PRKD1: variants seen among roughly 807,000 people sequenced by gnomAD.
The protein encoded by PRKD1 is protein kinase D1, also known as serine/threonine-protein kinase D1.
Under a neutral mutation model 95.9 loss-of-function variants are expected in PRKD1, and 63 were observed. The ratio of observed to expected loss-of-function variants is 0.66; its 90% confidence interval spans 0.54 to 0.81. PRKD1 has a LOEUF of 0.81. PRKD1 is among the 30% of genes least tolerant of loss of function. The pLI is 0.00. For missense variants in PRKD1, 1,048 were observed against 1,165.3 expected (o/e 0.90, Z 1.47); for synonymous variants, 425 against 423.1 (o/e 1.00, Z -0.05).
chr14:29,903,466 T>G (rs1894390972), intron 1 of PRKD1, among the ~76,000 whole-genome samples: 1 of 152,172 alleles, frequency 6.6e-6, no homozygotes, highest in Non-Finnish European at 1.5e-5. Context: ...GCATAATGCC[T>G]GGAGTACAGT....
At chr14:29,597,797 A>G in intron 15 of PRKD1, 39 bp from the exon 16 acceptor site, 1 of 1,573,198 alleles carries the variant, frequency 6.4e-7, no homozygotes, top group South Asian at 1.2e-5. Context: ...TCCGTTCACA[A>G]TTGTGTGTCT....
chr14:29,782,084 TA>T (rs1366851963), intron 1 of PRKD1, among the ~76,000 whole-genome samples: 5 of 152,222 alleles, frequency 3.3e-5, no homozygotes, highest in African/African-American at 1.2e-4. Flanking sequence ...TTTGTTTTCC[TA>T]AAACAGTGTA....
chr14:29,637,851 T>C (rs1594384493), intron 6 of PRKD1, among the ~76,000 whole-genome samples: 1 of 152,148 alleles, frequency 6.6e-6, no homozygotes, highest in Non-Finnish European at 1.5e-5. Flanking sequence ...TCCAGAGGAA[T>C]TGGAAAACTG....
chr14:29,907,586 T>G (rs1217565319), intron 1 of PRKD1, among the ~76,000 whole-genome samples: 3 of 152,200 alleles, frequency 2.0e-5, no homozygotes, highest in African/African-American at 7.2e-5. Flanking sequence ...AAGATAATCC[T>G]GAAACTTTTT....
intron 2 of PRKD1, among the ~76,000 whole-genome samples, chr14:29,670,021 TTTTA>T (rs1435005805): frequency 1.3e-5 from 2 of 152,224 alleles, no homozygotes; most frequent in Admixed American, 1.3e-4. Flanking sequence ...AGAAAGTTGT[TTTTA>T]TTGAGGCCCC....
intron 4 of PRKD1, among the ~76,000 whole-genome samples, chr14:29,653,579 C>T (rs901488790): frequency 1.3e-5 from 2 of 152,036 alleles, no homozygotes; most frequent in African/African-American, 4.8e-5. Context: ...TCTTTTACCT[C>T]AAGAAAAGGT....
chr14:29,756,784 G>A (rs975159629), intron 1 of PRKD1, among the ~76,000 whole-genome samples: 1 of 152,206 alleles, frequency 6.6e-6, no homozygotes, highest in Non-Finnish European at 1.5e-5. Context: ...GGTAGCCCCA[G>A]ATTGGGGAAT....
At chr14:29,850,453 AAC>A (rs57312847) in intron 1 of PRKD1, among the ~76,000 whole-genome samples, 30,479 of 147,378 alleles carry the variant, frequency 0.21, 3,180 homozygotes, top group African/African-American at 0.25. Flanking sequence ...CCCCATTCAA[AAC>A]ACACACACAC....
chr14:29,835,848 C>T (rs1365220230), intron 1 of PRKD1, among the ~76,000 whole-genome samples: 2 of 152,148 alleles, frequency 1.3e-5, no homozygotes, highest in African/African-American at 4.8e-5. Flanking sequence ...GGATTACAGG[C>T]GTGAGCCACC....
At chr14:29,873,528 C>T (rs1413753007) in intron 1 of PRKD1, among the ~76,000 whole-genome samples, 1 of 151,984 alleles carries the variant, frequency 6.6e-6, no homozygotes, top group Admixed American at 6.6e-5. Flanking sequence ...AAAGAAAGAT[C>T]ACTATCTATA....
At chr14:29,806,177 A>G (rs1890225535) in intron 1 of PRKD1, among the ~76,000 whole-genome samples, 1 of 152,206 alleles carries the variant, frequency 6.6e-6, no homozygotes. Flanking sequence ...CAATAACAAG[A>G]GCCATGATTA....
chr14:29,610,225 G>C (rs1163206974), intron 13 of PRKD1, among the ~76,000 whole-genome samples: 1 of 152,186 alleles, frequency 6.6e-6, no homozygotes, highest in African/African-American at 2.4e-5. Flanking sequence ...GAGAAAAAAA[G>C]CCACAGACTG....
intron 2 of PRKD1, among the ~76,000 whole-genome samples, chr14:29,717,609 T>C (rs2092155858): frequency 6.6e-6 from 1 of 152,194 alleles, no homozygotes; most frequent in South Asian, 2.1e-4. Context: ...TAACATATCA[T>C]AAATATATTA....
chr14:29,643,814 T>C (rs1412056869), intron 4 of PRKD1, among the ~76,000 whole-genome samples: 2 of 152,200 alleles, frequency 1.3e-5, no homozygotes, highest in Non-Finnish European at 2.9e-5. Context: ...TAAAAGTCAC[T>C]TGACAATAAA....
chr14:29,746,551 C>T (rs1311251497), intron 1 of PRKD1, among the ~76,000 whole-genome samples: 2 of 151,902 alleles, frequency 1.3e-5, no homozygotes, highest in African/African-American at 2.4e-5. Flanking sequence ...CACACACACA[C>T]ACATAATCCC....
At chr14:29,904,912 G>A (rs1406746159) in intron 1 of PRKD1, among the ~76,000 whole-genome samples, 1 of 152,138 alleles carries the variant, frequency 6.6e-6, no homozygotes, top group African/African-American at 2.4e-5. Context: ...TTTTCAGTTG[G>A]AAATCAACTT....
chr14:29,661,866 C>A (rs1308332185), intron 4 of PRKD1, among the ~76,000 whole-genome samples: 1 of 152,140 alleles, frequency 6.6e-6, no homozygotes, highest in African/African-American at 2.4e-5. Context: ...CATAATTTTA[C>A]AAGCATTCTT....
intron 1 of PRKD1, among the ~76,000 whole-genome samples, chr14:29,790,005 G>GTT (rs1249843129): frequency 7.7e-6 from 1 of 129,954 alleles, no homozygotes; most frequent in African/African-American, 3.0e-5. Flanking sequence ...CAAGCAAGTT[G>GTT]TCTTTTTTTT....
At chr14:29,876,699 T>C in intron 1 of PRKD1, among the ~76,000 whole-genome samples, 1 of 146,558 alleles carries the variant, frequency 6.8e-6, no homozygotes, top group Non-Finnish European at 1.5e-5. Flanking sequence ...AAACTCCAAC[T>C]CTACAGCAAA....
Sources: allele counts gnomAD v4.1 joint callset (sites outside exome capture counted in the v4.1 genomes callset), GRCh38; gene constraint gnomAD v4.1.1; transcripts MANE v1.5; gene names NCBI Gene and HGNC (gene_info 2026-07-23, HGNC 2026-07-21).